The following TBC1D14 variants were observed in gnomAD, a reference collection of about 807,000 sequenced individuals.
TBC1D14 encodes the protein TBC1 domain family, member 14.
In TBC1D14, 26 loss-of-function variants were observed where a neutral mutation model predicts 79.0. That is an observed-to-expected ratio of 0.33 (90% CI 0.24 to 0.46). TBC1D14 has a LOEUF of 0.46. Among genes scored for constraint, TBC1D14 ranks in the 20% least tolerant of loss-of-function variants. The pLI, the probability that TBC1D14 is intolerant of heterozygous loss-of-function variation, is 1.00. For missense variants in TBC1D14, 769 were observed against 887.6 expected (o/e 0.87, Z 1.70); for synonymous variants, 394 against 349.9 (o/e 1.13, Z -1.40).
At chr4:7,007,640 C>G in intron 9 of TBC1D14, 1 of 1,279,466 alleles carries the variant, frequency 7.8e-7, no homozygotes, top group Non-Finnish European at 1.0e-6. Flanking sequence ...GTGAGCCCAG[C>G]GAGCACCCCA....
At chr4:6,992,611 G>A (rs142851002) in intron 3 of TBC1D14, among the ~76,000 whole-genome samples, 271 of 152,356 alleles carry the variant, frequency 1.8e-3, no homozygotes, top group African/African-American at 6.4e-3. Context: ...CAGATAAGTA[G>A]CACCTCATGG....
intron 12 of TBC1D14, among the ~76,000 whole-genome samples, chr4:7,021,090 G>A (rs1560361188): frequency 6.6e-6 from 1 of 152,156 alleles, no homozygotes; most frequent in Admixed American, 6.6e-5. Flanking sequence ...AACTGCCCTC[G>A]TCCTTACCCC....
At chr4:6,943,576 G>A (rs987621600) in intron 2 of TBC1D14, among the ~76,000 whole-genome samples, 3 of 152,080 alleles carry the variant, frequency 2.0e-5, no homozygotes, top group African/African-American at 7.2e-5. Flanking sequence ...TGCCTCTCCC[G>A]GGCAAATTCT....
intron 12 of TBC1D14, among the ~76,000 whole-genome samples, chr4:7,015,332 G>A (rs1458414093): frequency 6.6e-6 from 1 of 152,166 alleles, no homozygotes; most frequent in Non-Finnish European, 1.5e-5. Flanking sequence ...AATATTGTGG[G>A]TATGTCAGAG....
chr4:6,974,570 A>G (rs575572395), intron 3 of TBC1D14, among the ~76,000 whole-genome samples: 1 of 152,316 alleles, frequency 6.6e-6, no homozygotes, highest in East Asian at 1.9e-4. Context: ...CTAACTGGCC[A>G]CTGGATGGTG....
intron 12 of TBC1D14, among the ~76,000 whole-genome samples, chr4:7,024,075 G>A (rs1174783962): frequency 1.3e-5 from 2 of 152,196 alleles, no homozygotes; most frequent in African/African-American, 2.4e-5. Context: ...AGGACAGGCC[G>A]CATCTAACGG....
At chr4:6,920,484 C>G (rs10012305) in intron 1 of TBC1D14, among the ~76,000 whole-genome samples, 66,580 of 151,956 alleles carry the variant, frequency 0.44, 15,671 homozygotes, top group East Asian at 0.67. Context: ...TGTGTTGACA[C>G]TGAGGCAGGC....
chr4:7,010,544 A>G (rs1011508169), intron 10 of TBC1D14, 109 bp from the exon 11 acceptor site: 8 of 1,369,524 alleles, frequency 5.8e-6, no homozygotes, highest in Non-Finnish European at 6.9e-6. Context: ...GGGCGGCTCT[A>G]GGGACACTTC....
chr4:6,959,839 T>C (rs531674861), intron 2 of TBC1D14, among the ~76,000 whole-genome samples: 1 of 152,284 alleles, frequency 6.6e-6, no homozygotes, highest in South Asian at 2.1e-4. Context: ...TGCCAAGTTG[T>C]GTTGCTAGGA....
At chr4:6,983,277 A>AAT (rs1281565817) in intron 3 of TBC1D14, among the ~76,000 whole-genome samples, 29 of 151,808 alleles carry the variant, frequency 1.9e-4, no homozygotes, top group South Asian at 6.2e-4. Flanking sequence ...CGGCCTTTAA[A>AAT]ATATATATAT....
chr4:6,981,510 C>T (rs1394980408), intron 3 of TBC1D14, among the ~76,000 whole-genome samples: 4 of 152,196 alleles, frequency 2.6e-5, no homozygotes, highest in South Asian at 4.1e-4. Flanking sequence ...AGACGGAGTA[C>T]GTACTTCCTC....
intron 11 of TBC1D14, among the ~76,000 whole-genome samples, chr4:7,012,706 C>T (rs1456902914): frequency 6.6e-6 from 1 of 152,092 alleles, no homozygotes; most frequent in East Asian, 1.9e-4. Context: ...AGGAAATATG[C>T]CACAGAATTA....
intron 2 of TBC1D14, among the ~76,000 whole-genome samples, chr4:6,937,208 C>T (rs55714578): frequency 3.2e-3 from 492 of 152,352 alleles, no homozygotes; most frequent in Non-Finnish European, 5.6e-3. Context: ...TGAGCCACCA[C>T]GCTGGGCCTT....
chr4:7,007,833 G>A lies in TBC1D14; in HGVS notation c.1446+1107G>A, dbSNP rs530525372. Among the ~76,000 whole-genome samples, 6 of 152,306 alleles carry A rather than the reference G, an allele frequency of 3.9e-5. No individual in the cohort carries two copies. In the East Asian group the frequency reaches 5.8e-4, roughly 15 times the overall value. On this transcript the variant is annotated intron_variant, in intron 9 of 13. Transcript: ENST00000409757. ...GAGCTGCTCCTGTTTCTTGGCCCTT[G>A]GAGGGGAAAGACTTTCTTCCCCCAG...
chr4:7,020,495 C>T (rs1721719136), intron 12 of TBC1D14, among the ~76,000 whole-genome samples: 1 of 152,190 alleles, frequency 6.6e-6, no homozygotes, highest in African/African-American at 2.4e-5. Context: ...ATGAGCCAGC[C>T]TGGGAGTGAG....
chr4:7,002,837 T>C (rs1032158064), intron 7 of TBC1D14, among the ~76,000 whole-genome samples: 4 of 152,184 alleles, frequency 2.6e-5, no homozygotes, highest in African/African-American at 7.2e-5. Context: ...AAGCATCATA[T>C]TAGGTTCTTT....
chr4:6,968,950 C>G (rs1369184857), intron 3 of TBC1D14, among the ~76,000 whole-genome samples: 1 of 152,164 alleles, frequency 6.6e-6, no homozygotes, highest in East Asian at 1.9e-4. Context: ...GCTGGGTGAC[C>G]TGTTAGGTGT....
intron 12 of TBC1D14, among the ~76,000 whole-genome samples, chr4:7,019,171 GCCA>G (rs1040054084): frequency 1.3e-5 from 2 of 152,018 alleles, no homozygotes; most frequent in African/African-American, 4.8e-5. Flanking sequence ...GCAGGCGCCC[GCCA>G]CCACCCCCAG....
chr4:6,924,770 G>T (rs760651403), intron 2 of TBC1D14, among the ~76,000 whole-genome samples: 3 of 152,158 alleles, frequency 2.0e-5, no homozygotes, highest in Admixed American at 2.0e-4. Context: ...TCTGCCTCTC[G>T]TTTGTGCTCT....
Sources: gnomAD v4.1 joint callset for allele counts (sites outside exome capture counted in the v4.1 genomes callset) on GRCh38, gnomAD v4.1.1 for gene constraint, MANE v1.5 for transcripts, NCBI Gene and HGNC (gene_info 2026-07-23, HGNC 2026-07-21) for gene names.